Variants in PI4K2B observed in about 807,000 individuals in gnomAD.
PI4K2B encodes phosphatidylinositol 4-kinase type 2 beta.
Under a neutral mutation model 56.6 loss-of-function variants are expected in PI4K2B, and 46 were observed. The observed-to-expected ratio is 0.81, with a 90% CI of 0.64 to 1.04. The LOEUF is 1.04. Ranked by LOEUF, PI4K2B falls within the 50% of genes least tolerant of loss-of-function variation. The probability of loss-of-function intolerance (pLI) is 0.00; values close to 1 mark genes in which losing one functional copy is unlikely to be tolerated. For missense variants in PI4K2B, 556 were observed against 607.7 expected (o/e 0.91, Z 0.89); for synonymous variants, 211 against 223.8 (o/e 0.94, Z 0.51).
At chr4:25,275,329 A>G (rs1717055076) in intron 9 of PI4K2B, among the ~76,000 whole-genome samples, 6 of 152,156 alleles carry the variant, frequency 3.9e-5, no homozygotes, top group Admixed American at 3.9e-4. Flanking sequence ...AATTTCATAA[A>G]TTCTTTTTTT....
intron 7 of PI4K2B, among the ~76,000 whole-genome samples, chr4:25,265,441 C>G (rs1027638381): frequency 1.3e-5 from 2 of 151,846 alleles, no homozygotes; most frequent in African/African-American, 4.8e-5. Context: ...CATCATTATT[C>G]TTTTCTCCTA....
intron 5 of PI4K2B, among the ~76,000 whole-genome samples, chr4:25,259,891 G>T (rs549803087): frequency 6.6e-6 from 1 of 152,274 alleles, no homozygotes; most frequent in Admixed American, 6.5e-5. Context: ...TCAGCATTAC[G>T]TGAGAATTTG....
At chr4:25,254,153 T>C (rs1716168751) in intron 2 of PI4K2B, among the ~76,000 whole-genome samples, 2 of 152,212 alleles carry the variant, frequency 1.3e-5, no homozygotes, top group South Asian at 4.1e-4. Flanking sequence ...TATCTTATCA[T>C]TATATTTGTA....
intron 9 of PI4K2B, 28 bp from the exon 10 acceptor site, chr4:25,276,986 T>C (rs1422777555): frequency 6.7e-7 from 1 of 1,484,872 alleles, no homozygotes; most frequent in African/African-American, 1.4e-5. Flanking sequence ...TCTTTTTAAA[T>C]TGGTAAAAAT....
At chr4:25,272,406 A>T in intron 9 of PI4K2B, among the ~76,000 whole-genome samples, 1 of 152,292 alleles carries the variant, frequency 6.6e-6, no homozygotes, top group Non-Finnish European at 1.5e-5. Context: ...TTTAATTTTA[A>T]TTTGATTTTG....
At chr4:25,246,837 C>A (rs1446453452) in intron 1 of PI4K2B, among the ~76,000 whole-genome samples, 3 of 152,354 alleles carry the variant, frequency 2.0e-5, no homozygotes, top group South Asian at 2.1e-4. Flanking sequence ...CAGCAGCACC[C>A]TCTGCAGCTG....
chr4:25,237,946 AC>A (rs1291110456), intron 1 of PI4K2B, among the ~76,000 whole-genome samples: 7 of 152,258 alleles, frequency 4.6e-5, no homozygotes, highest in African/African-American at 1.7e-4. Context: ...CCCAGTTAAT[AC>A]AAATCAGGAG....
chr4:25,253,114 G>A (rs577665670), intron 2 of PI4K2B, among the ~76,000 whole-genome samples: 193 of 152,292 alleles, frequency 1.3e-3, no homozygotes, highest in African/African-American at 4.5e-3. Context: ...AAACACGGTG[G>A]AAGGTTAAAC....
At chr4:25,271,306 G>A (rs1716880071) in intron 9 of PI4K2B, among the ~76,000 whole-genome samples, 1 of 152,198 alleles carries the variant, frequency 6.6e-6, no homozygotes, top group South Asian at 2.1e-4. Context: ...AGAAGTTTTC[G>A]AAAAGGAGAT....
intron 9 of PI4K2B, among the ~76,000 whole-genome samples, chr4:25,274,478 T>C (rs1717025970): frequency 6.6e-6 from 1 of 152,178 alleles, no homozygotes; most frequent in Non-Finnish European, 1.5e-5. Flanking sequence ...GGTGGTATGT[T>C]GGGGAGAGGG....
intron 1 of PI4K2B, among the ~76,000 whole-genome samples, chr4:25,239,579 G>A (rs1469933146): frequency 6.6e-6 from 1 of 152,096 alleles, no homozygotes; most frequent in African/African-American, 2.4e-5. Context: ...GCCCGCAAGT[G>A]CCACACGCAA....
intron 1 of PI4K2B, among the ~76,000 whole-genome samples, chr4:25,245,730 C>G (rs1004916456): frequency 1.3e-5 from 2 of 152,190 alleles, no homozygotes; most frequent in Non-Finnish European, 2.9e-5. Context: ...TCCGATGGCA[C>G]TCACTGCTTG....
chr4:25,259,235 C>G, intron 5 of PI4K2B, 45 bp downstream of exon 5: 1 of 1,267,032 alleles, frequency 7.9e-7, no homozygotes, highest in South Asian at 1.4e-5. Flanking sequence ...TGTTCATTTT[C>G]AAACTATATT....
intron 1 of PI4K2B, among the ~76,000 whole-genome samples, chr4:25,250,807 A>G (rs1387718013): frequency 6.6e-6 from 1 of 152,212 alleles, no homozygotes; most frequent in Admixed American, 6.5e-5. Flanking sequence ...GGTAACCTGA[A>G]TCATGTGGAA....
intron 1 of PI4K2B, among the ~76,000 whole-genome samples, chr4:25,237,478 G>A (rs564778356): frequency 4.8e-4 from 73 of 152,224 alleles, no homozygotes; most frequent in African/African-American, 1.7e-3. Flanking sequence ...AGGTTCAAGC[G>A]ATTCTCCTGC....
rs76842405 is a variant in PI4K2B at position 25,247,656 on chromosome 4, G to A, written c.269-4665G>A. Among the ~76,000 whole-genome samples, 650 of 152,192 alleles carry A rather than the reference G, an allele frequency of 4.3e-3. 5 individuals are homozygous for A. Among genetic ancestry groups the A allele is most frequent in the African/African-American group, 0.015 (610 of 41,530 alleles). ...GTTCAAGACCTGAAGGGTGAATAGC[G>A]CCAAAAGCCCTGAGGCTGGGTTCAA... On this transcript the variant is annotated intron_variant, in intron 1 of 9. Coordinates refer to ENST00000264864, the MANE Select transcript of PI4K2B (RefSeq NM_018323.4).
At chr4:25,248,601 T>G (rs543110112) in intron 1 of PI4K2B, among the ~76,000 whole-genome samples, 21 of 149,422 alleles carry the variant, frequency 1.4e-4, no homozygotes, top group African/African-American at 4.9e-4. Flanking sequence ...ATGTATGGTT[T>G]TTTTTTTTTT....
At chr4:25,276,334 T>G (rs1238905854) in intron 9 of PI4K2B, 2 of 377,460 alleles carry the variant, frequency 5.3e-6, no homozygotes, top group East Asian at 3.2e-4. Context: ...TTTCCCTAAT[T>G]TTATTTTTCT....
rs115874249 is a variant in PI4K2B at position 25,256,589 on chromosome 4, G to A, written c.671G>A (p.Arg224His). The A allele has an allele frequency of 5.6e-5, 91 of 1,613,650 alleles. No homozygotes were observed. Among genetic ancestry groups the A allele is most frequent in the African/African-American group, 5.3e-4 (40 of 74,990 alleles). Residue 224 changes from arginine (R) to histidine (H), a missense_variant, in exon 4 of 10, where the codon CGT (arginine) becomes CAT (histidine). By Grantham distance (29) the Arg-to-His change is conservative (BLOSUM62 0). Transcript: ENST00000264864. ...ACATTTAACTATAATGCGATTGACC[G>A]TGCAAAATCAAGAGGCAAAAAGTAT... ...SETFNYNAID[R>H]AKSRGKKYAL...
Sources: gnomAD v4.1 joint callset for allele counts (sites outside exome capture counted in the v4.1 genomes callset) on GRCh38, gnomAD v4.1.1 for gene constraint, MANE v1.5 for transcripts, NCBI Gene and HGNC (gene_info 2026-07-23, HGNC 2026-07-21) for gene names.